The following SERINC1 variants were observed in gnomAD, a reference collection of about 807,000 sequenced individuals.
SERINC1 encodes serine incorporator 1, also known as tumor differentially expressed protein 2.
SERINC1 carries 38 observed loss-of-function variants against 52.9 expected under a neutral mutation model. The ratio of observed to expected loss-of-function variants is 0.72; its 90% CI spans 0.55 to 0.94. SERINC1 has a LOEUF of 0.94. SERINC1 is among the 40% of genes least tolerant of loss of function. SERINC1 has a pLI of 0.00. For synonymous variants in SERINC1, 198 were observed against 183.1 expected, an observed-to-expected ratio of 1.08 and a Z score of -0.66; for missense variants, 471 against 533.9, an observed-to-expected ratio of 0.88 and a Z score of 1.16.
At chr6:122,466,092 G>A (rs979240596) in intron 1 of SERINC1, among the ~76,000 whole-genome samples, 1 of 152,040 alleles carries the variant, frequency 6.6e-6, no homozygotes, top group Non-Finnish European at 1.5e-5. Context: ...AAATTACCCA[G>A]GGATGGTGTT....
chr6:122,464,761 A>C (rs1169939570), intron 1 of SERINC1, among the ~76,000 whole-genome samples: 1 of 152,182 alleles, frequency 6.6e-6, no homozygotes, highest in Non-Finnish European at 1.5e-5. Context: ...AAATTAGAGC[A>C]AAGCAATGGT....
At chr6:122,466,792 A>G (rs1203836980) in intron 1 of SERINC1, among the ~76,000 whole-genome samples, 4 of 152,238 alleles carry the variant, frequency 2.6e-5, no homozygotes, top group Non-Finnish European at 4.4e-5. Context: ...CTAGAGTTTC[A>G]GTCCAGGAAG....
At chr6:122,458,035 T>C (rs1169722888) in intron 2 of SERINC1, among the ~76,000 whole-genome samples, 2 of 152,140 alleles carry the variant, frequency 1.3e-5, no homozygotes, top group African/African-American at 2.4e-5. Context: ...CAGTCAATTT[T>C]ACATCCAGAA....
At chr6:122,462,474 G>A (rs1000852744) in intron 1 of SERINC1, among the ~76,000 whole-genome samples, 2 of 152,004 alleles carry the variant, frequency 1.3e-5, no homozygotes, top group Admixed American at 6.6e-5. Context: ...ATCCCAAAGA[G>A]GGCCATACAC....
At chr6:122,457,862 A>C (rs897628820) in intron 2 of SERINC1, among the ~76,000 whole-genome samples, 1 of 151,820 alleles carries the variant, frequency 6.6e-6, no homozygotes, top group Non-Finnish European at 1.5e-5. Flanking sequence ...AACATGTTAG[A>C]AACTAAATTT....
chr6:122,451,285 A>C (rs539419869), intron 7 of SERINC1, among the ~76,000 whole-genome samples: 1 of 152,304 alleles, frequency 6.6e-6, no homozygotes, highest in East Asian at 1.9e-4. Context: ...ATTTTTTGGA[A>C]ATAAAGTACT....
intron 1 of SERINC1, among the ~76,000 whole-genome samples, chr6:122,462,574 C>A (rs1404753179): frequency 6.6e-6 from 1 of 151,934 alleles, no homozygotes; most frequent in Non-Finnish European, 1.5e-5. Flanking sequence ...AATGATAGCG[C>A]CACTGCACTC....
intron 7 of SERINC1, 97 bp downstream of exon 7, chr6:122,451,567 G>T: frequency 4.4e-6 from 2 of 456,544 alleles, no homozygotes; most frequent in Non-Finnish European, 7.9e-6. Flanking sequence ...TCCTCTAGAA[G>T]CCTAATTTTT....
intron 7 of SERINC1, among the ~76,000 whole-genome samples, chr6:122,450,075 A>G (rs1487165652): frequency 6.6e-6 from 1 of 152,208 alleles, no homozygotes; most frequent in Non-Finnish European, 1.5e-5. Context: ...TTCAATAAAG[A>G]CAACATAGAC....
chr6:122,449,724 G>A (rs1486605666), intron 7 of SERINC1, among the ~76,000 whole-genome samples: 1 of 152,176 alleles, frequency 6.6e-6, no homozygotes, highest in South Asian at 2.1e-4. Flanking sequence ...ATTAATGAAA[G>A]TAGCTACACT....
In SERINC1 at chr6:122,447,018, AGTTTAG is replaced by A. The variant is rs1562212292; in HGVS notation, c.996-20_996-15del. On this transcript the variant is annotated splice_polypyrimidine_tract_variant and intron_variant, in intron 8 of 9. Transcript: ENST00000339697. Reference sequence around the variant, plus strand: ...GAAGTACGGATGCTGTATGAAAGAGAGTTTAGGAGGAGAGAAAAAAAAGAACATTTT... The same window carrying A: ...GAAGTACGGATGCTGTATGAAAGAGAGAGGAGAGAAAAAAAAGAACATTTT... 30 of 1,589,048 alleles carry A rather than the reference AGTTTAG, an allele frequency of 1.9e-5. No individual in the cohort carries two copies. Among genetic ancestry groups the A allele is most frequent in the Non-Finnish European group, 2.5e-5 (29 of 1,157,948 alleles).
chr6:122,459,499 T>C (rs1775062670), intron 1 of SERINC1, among the ~76,000 whole-genome samples: 1 of 152,004 alleles, frequency 6.6e-6, no homozygotes, highest in Admixed American at 6.6e-5. Flanking sequence ...CACCAACCAA[T>C]ATAAGGTAAG....
chr6:122,446,804 T>C lies in SERINC1; in HGVS notation c.1196A>G (p.Tyr399Cys), dbSNP rs1468900445. 6.2e-7 allele frequency: 1 copy of C among 1,613,630 alleles called. No homozygotes were observed. The highest frequency in any genetic ancestry group is 8.5e-7 in the Non-Finnish European group (1 of 1,179,550). Residue 399 changes from tyrosine (Y) to cysteine (C), a missense_variant, in exon 9 of 10, where the codon TAT becomes TGT. Transcript: ENST00000339697. Reference protein sequence around the residue: ...FHFMLFLASLYIMMTLTNWYR... With the variant: ...FHFMLFLASLCIMMTLTNWYR... Reference sequence around the variant, plus strand: ...CCAGTTGGTAAGGGTCATCATGATATAAAGTGAAGCCAGGAAAAGCATGAA... The same window carrying C: ...CCAGTTGGTAAGGGTCATCATGATACAAAGTGAAGCCAGGAAAAGCATGAA...
chr6:122,444,487 G>C lies in SERINC1; in HGVS notation c.*557C>G, dbSNP rs1410139290. ...GATTATTTACTCGTTATTCAATTTA[G>C]TACCGACACCTCCATCCATAACCTA... is the stretch of plus-strand genomic sequence containing the variant. On this transcript the variant is annotated 3_prime_UTR_variant, in exon 10 of 10. Transcript: ENST00000339697. The C allele has an allele frequency of 6.6e-6, 1 of 152,226 alleles. No homozygotes were observed. Among genetic ancestry groups the C allele is most frequent in the East Asian group, 1.9e-4 (1 of 5,192 alleles). 9.4% of individuals were successfully genotyped at this position (152,226 alleles called of 1,614,324 possible).
chr6:122,449,979 A>C (rs1011623982), intron 7 of SERINC1, among the ~76,000 whole-genome samples: 1 of 152,204 alleles, frequency 6.6e-6, no homozygotes, highest in African/African-American at 2.4e-5. Context: ...GTGCCATTGC[A>C]CTCCAGCCTG....
Position 122,456,493 on chromosome 6 carries a change from G to A in SERINC1, c.359C>T (p.Ala120Val), listed in dbSNP as rs371316992. ...TTTAAAAACTTACCCATTGTGCACTGCAGCTCTAGGATCACTGCTACTCTT... is the reference window on the plus strand; with the variant it reads ...TTTAAAAACTTACCCATTGTGCACTACAGCTCTAGGATCACTGCTACTCTT... ...KVKSSSDPRA[A>V]VHNGFWFFKF... Residue 120 changes from alanine to valine, a missense_variant, in exon 3 of 10, where the codon GCA (alanine) becomes GTA (valine). Physicochemically the swap from Ala to Val is moderately conservative, Grantham distance 64. Coordinates refer to ENST00000339697, the MANE Select transcript of SERINC1 (RefSeq NM_020755.4). 16 of 1,585,462 alleles carry A rather than the reference G, an allele frequency of 1.0e-5. No homozygotes were observed. Among genetic ancestry groups the A allele is most frequent in the Non-Finnish European group, 1.2e-5 (14 of 1,168,832 alleles).
At chr6:122,467,861 G>A (rs1444667324) in intron 1 of SERINC1, among the ~76,000 whole-genome samples, 1 of 152,184 alleles carries the variant, frequency 6.6e-6, no homozygotes, top group Non-Finnish European at 1.5e-5. Context: ...GGGTAGGGAT[G>A]AGGGCCAGTT....
chr6:122,456,678 A>G, intron 2 of SERINC1, 28 bp from the exon 3 acceptor site: 1 of 1,505,648 alleles, frequency 6.6e-7, no homozygotes, highest in Non-Finnish European at 8.9e-7. Flanking sequence ...TTTATGATCC[A>G]TCATTTTTTT....
chr6:122,469,820 G>C (rs528256068), intron 1 of SERINC1, among the ~76,000 whole-genome samples: 1 of 152,196 alleles, frequency 6.6e-6, no homozygotes, highest in African/African-American at 2.4e-5. Flanking sequence ...ATCCTCCCAA[G>C]TGCTGGGATT....
Sources: allele counts gnomAD v4.1 joint callset (sites outside exome capture counted in the v4.1 genomes callset), GRCh38; gene constraint gnomAD v4.1.1; transcripts MANE v1.5; gene names NCBI Gene and HGNC (gene_info 2026-07-23, HGNC 2026-07-21).